The following SLC9A3 variants were observed in gnomAD, a reference collection of about 807,000 sequenced individuals.
SLC9A3 encodes the protein solute carrier family 9 member A3, also known as sodium/hydrogen exchanger 3.
Under a neutral mutation model 86.8 loss-of-function variants are expected in SLC9A3, and 37 were observed. The observed-to-expected ratio is 0.43, with a 90% confidence interval of 0.33 to 0.56. The LOEUF (loss-of-function observed/expected upper bound fraction) is 0.56, where lower values mean the gene tolerates loss of function less well. Ranked by LOEUF, SLC9A3 falls within the 20% of genes least tolerant of loss-of-function variation. SLC9A3 has a pLI of 0.06. For missense variants in SLC9A3, 1,011 were observed against 1,171.9 expected (o/e 0.86, Z 2.00); for synonymous variants, 581 against 528.3 (o/e 1.10, Z -1.37).
intron 3 of SLC9A3, among the ~76,000 whole-genome samples, chr5:486,848 A>G (rs7735595): frequency 0.85 from 105,220 of 124,054 alleles, 44,844 homozygotes; most frequent in Non-Finnish European, 0.9. Context: ...GGAGCCCACC[A>G]CACTGACACC....
Position 488,464 on chromosome 5 carries a change from A to G in SLC9A3, c.527T>C (p.Ile176Thr). ...AAACAGGAGGAAGTCCAGCAGCCCA[A>G]TCTGCAGGTCGCCTGGAAGACAAGC... ...FLSGLMGDLQ[I>T]GLLDFLLFGS... The change falls in exon 3 of 17, where the codon ATT becomes ACT. Residue 176 changes from isoleucine to threonine, a missense_variant. Physicochemically the swap from Ile to Thr is moderately conservative, Grantham distance 89. Coordinates refer to ENST00000264938, the MANE Select transcript of SLC9A3 (RefSeq NM_004174.4). The G allele has an allele frequency of 2.5e-6, 4 of 1,571,540 alleles. No individual in the cohort carries two copies. The highest frequency in any genetic ancestry group is 2.6e-6 in the Non-Finnish European group (3 of 1,155,438).
At chr5:482,840 GC>G in intron 6 of SLC9A3, 90 bp from the exon 7 acceptor site, 1 of 1,048,286 alleles carries the variant, frequency 9.5e-7, no homozygotes, top group Non-Finnish European at 1.4e-6. Flanking sequence ...TGGCGGCCAA[GC>G]ATGTGCTGAC....
intron 1 of SLC9A3, among the ~76,000 whole-genome samples, chr5:499,227 G>T (rs114191483): frequency 1.3e-4 from 20 of 152,242 alleles, no homozygotes; most frequent in Admixed American, 5.9e-4. Flanking sequence ...AACTCAATTG[G>T]TTTTAAGAGG....
At chr5:475,482 T>G in intron 15 of SLC9A3, 79 bp downstream of exon 15, 5 of 831,582 alleles carry the variant, frequency 6.0e-6, no homozygotes, top group South Asian at 1.5e-5. Context: ...CCAGTGCCCC[T>G]GGTCCAATGA....
In SLC9A3 at chr5:485,183, C is replaced by T. The variant is rs1553996100; in HGVS notation, c.724G>A (p.Val242Met). 5 of 1,613,934 alleles carry T rather than the reference C, an allele frequency of 3.1e-6. No individual in the cohort carries two copies. Among genetic ancestry groups the T allele is most frequent in the Non-Finnish European group, 4.2e-6 (5 of 1,179,990 alleles). Residue 242 changes from valine (V) to methionine (M), a missense_variant, in exon 4 of 17, where the codon GTG becomes ATG. This residue lies in a region of SLC9A3 where 565 missense variants were observed against 790.0 expected (regional missense o/e 0.72). Coordinates refer to ENST00000264938, the MANE Select transcript of SLC9A3 (RefSeq NM_004174.4). ...CCCTTCACGCAGTCCACGCCAGTCA[C>T]GTTGTCACCTCCCAGCGCCACGAAA... Reference protein sequence around the residue: ...ESFVALGGDNVTGVDCVKGIV... With the variant: ...ESFVALGGDNMTGVDCVKGIV...
At chr5:519,945 T>G (rs1380213341) in intron 1 of SLC9A3, among the ~76,000 whole-genome samples, 1 of 152,180 alleles carries the variant, frequency 6.6e-6, no homozygotes, top group East Asian at 1.9e-4. Context: ...GATACCCGTC[T>G]CGCTCCTGCC....
Position 475,627 on chromosome 5 carries a change from C to A in SLC9A3, c.2185G>T (p.Glu729Ter). 2 of 1,552,206 alleles carry A rather than the reference C, an allele frequency of 1.3e-6. No homozygotes were observed. The highest frequency in any genetic ancestry group is 1.2e-5 in the South Asian group (1 of 84,108). The change falls in exon 15 of 17, where the codon GAG becomes TAG. Residue 729 changes from glutamate (E) to a stop codon, truncating the protein, a stop_gained. Transcript: ENST00000264938. LOFTEE classifies it high-confidence loss of function. ...DTEEPPNYDE[E>*]MSGGIEFLAS... ...AGGAACTCGATCCCCCCACTCATCT[C>A]CTCATCATAGTTGGGGGGCTCCTCG...
rs570428817 is a variant in SLC9A3 at position 509,722 on chromosome 5, G to A, written c.211+14390C>T. 5.0e-4 allele frequency among the ~76,000 whole-genome samples: 76 copies of A among 152,304 alleles called. 1 individual carries two copies. The South Asian group carries it at 0.015, about 31-fold the overall frequency. On this transcript the variant is annotated intron_variant, in intron 1 of 16. Coordinates refer to ENST00000264938, the MANE Select transcript of SLC9A3 (RefSeq NM_004174.4). Reference sequence around the variant, plus strand: ...TGAAGTTAGCTGTACCCCAAAGCATGTCAGGGAGTGAGAGGAGAATGGGGT... The same window carrying A: ...TGAAGTTAGCTGTACCCCAAAGCATATCAGGGAGTGAGAGGAGAATGGGGT...
rs984370836 is a variant in SLC9A3, at chr5:470,533, A to T, written c.*2846T>A. 6.6e-6 allele frequency: 1 copy of T among 152,366 alleles called. No individual in the cohort carries two copies. The highest frequency in any genetic ancestry group is 1.5e-5 in the Non-Finnish European group (1 of 68,046). 9.4% of individuals were successfully genotyped at this position (152,366 alleles called of 1,614,324 possible). On this transcript the variant is annotated 3_prime_UTR_variant, in exon 17 of 17. Coordinates refer to ENST00000264938, the MANE Select transcript of SLC9A3 (RefSeq NM_004174.4). The stretch of plus-strand genomic sequence containing the variant: ...AATGCCTTGAAATGTTTTTAATAGA[A>T]TTGGTCTAGTAATCGTTCAGGATTT...
At chr5:482,279 G>A in intron 7 of SLC9A3, 122 bp from the exon 8 acceptor site, 2 of 771,760 alleles carry the variant, frequency 2.6e-6, no homozygotes, top group Non-Finnish European at 4.3e-6. Context: ...TGCTCTCCGG[G>A]CACCCAGCAA....
At chr5:516,358 G>A (rs1341328822) in intron 1 of SLC9A3, among the ~76,000 whole-genome samples, 1 of 152,152 alleles carries the variant, frequency 6.6e-6, no homozygotes, top group African/African-American at 2.4e-5. Context: ...GCTGGCTGCT[G>A]CAAAGTCCAG....
chr5:481,783 C>T, intron 8 of SLC9A3, 148 bp from the exon 9 acceptor site: 1 of 740,244 alleles, frequency 1.4e-6, no homozygotes, highest in Non-Finnish European at 2.4e-6. Context: ...CCCTCCTGGC[C>T]CAGCCCCAAG....
In SLC9A3 at chr5:496,154, G is replaced by T. The variant is rs934281979; in HGVS notation, c.212-4083C>A. Among the ~76,000 whole-genome samples, 1 of 152,258 alleles carries T rather than the reference G, an allele frequency of 6.6e-6. No individual in the cohort carries two copies. Among genetic ancestry groups the T allele is most frequent in the Non-Finnish European group, 1.5e-5 (1 of 68,044 alleles). ...ATACGCACAAACGCCGCATAGGTGG[G>T]AGGGCGGCGGTTTGGAACATTCTGC... On this transcript the variant is annotated intron_variant, in intron 1 of 16. Transcript: ENST00000264938. This position sits in a 1 kb window ranked among gnomAD's most constrained non-coding sequence, Gnocchi z 4.7.
intron 10 of SLC9A3, 149 bp from the exon 11 acceptor site, chr5:477,593 G>T: frequency 1.8e-6 from 1 of 562,948 alleles, no homozygotes; most frequent in South Asian, 2.4e-5. Flanking sequence ...AGCTGCAGAG[G>T]GAGGGGTGGA....
rs551773512 is a variant in SLC9A3 at position 473,904 on chromosome 5, C to G, written c.2502-522G>C. Among the ~76,000 whole-genome samples, 126 of 152,362 alleles carry G rather than the reference C, an allele frequency of 8.3e-4. 1 individual carries two copies. The highest frequency in any genetic ancestry group is 3.3e-3 in the Admixed American group (51 of 15,308). On this transcript the variant is annotated intron_variant, in intron 16 of 16. Transcript: ENST00000264938. ...CTGTCTGGCTTCCCCCAGCCCTGCT[C>G]TCAGCTCCCTGGGAGCGCAGGATTT...
Position 507,626 on chromosome 5 carries a change from A to G in SLC9A3, c.212-15555T>C, listed in dbSNP as rs1472432812. ...CCCCCAACACCCCAATCCCTGCCCC[A>G]CAGACGCCCGAATCCCCACCCCACA... On this transcript the variant is annotated intron_variant, in intron 1 of 16. Coordinates refer to ENST00000264938, the MANE Select transcript of SLC9A3 (RefSeq NM_004174.4). Among the ~76,000 whole-genome samples the G allele has an allele frequency of 3.8e-5, 5 of 130,066 alleles. No individual in the cohort carries two copies. In the Admixed American group the frequency reaches 4.1e-4, roughly 11 times the overall value. The allele number at this position is 130,066 out of a possible 152,430, so 85.3% of individuals were successfully genotyped here. A position where few individuals can be genotyped will look rare whatever the true frequency, so the allele number is the denominator to read the frequency against.
At position 484,506 on chromosome 5, in the gene SLC9A3, T is replaced by C. The variant is rs750302772; in HGVS notation, c.932+14A>G. On this transcript the variant is annotated intron_variant, in intron 5 of 16. Coordinates refer to ENST00000264938, the MANE Select transcript of SLC9A3 (RefSeq NM_004174.4). ...GAGGGCGTGGAGAAGCTCGCGTGTG[T>C]GGGAGGGACTCACGCGAGGATGGCC... 1 of 1,610,738 alleles carries C rather than the reference T, an allele frequency of 6.2e-7. No homozygotes were observed. The highest frequency in any genetic ancestry group is 8.5e-7 in the Non-Finnish European group (1 of 1,179,130).
chr5:476,561 C>G lies in SLC9A3; in HGVS notation c.1872G>C (p.Leu624=), dbSNP rs934796245. ...TGCCCACCTCCTGCCGCGGCTTGTA[C>G]AGGTACTGCTGTAGCGTGTGGTGCG... is the stretch of plus-strand genomic sequence containing the variant. ...MVTHHTLQQY[L]YKPRQEYKHL... The change falls in exon 12 of 17, where the codon CTG becomes CTC. Residue 624 remains leucine, a synonymous_variant. Transcript: ENST00000264938. 17 of 1,611,296 alleles carry G rather than the reference C, an allele frequency of 1.1e-5. No individual in the cohort carries two copies. Among genetic ancestry groups the G allele is most frequent in the Admixed American group, 8.3e-5 (5 of 59,974 alleles).
chr5:476,775 G>A, intron 11 of SLC9A3, 103 bp from the exon 12 acceptor site: 1 of 1,439,162 alleles, frequency 6.9e-7, no homozygotes, highest in Middle Eastern at 2.3e-4. Flanking sequence ...GCTGCCTCCT[G>A]CGTGCCCCTC....
Sources: allele counts gnomAD v4.1 joint callset (sites outside exome capture counted in the v4.1 genomes callset), GRCh38; gene constraint gnomAD v4.1.1; regional missense constraint gnomAD v4.1.1; non-coding constraint Gnocchi (gnomAD v3.1); transcripts MANE v1.5; gene names NCBI Gene and HGNC (gene_info 2026-07-23, HGNC 2026-07-21).